The following KCNIP4 variants were observed in gnomAD, a reference collection of about 807,000 sequenced individuals.
The protein encoded by KCNIP4 is Kv channel-interacting protein 4.
KCNIP4 carries 12 observed loss-of-function variants against 34.0 expected under a neutral mutation model. That is an observed-to-expected ratio of 0.35 (90% CI 0.23 to 0.57). The LOEUF (loss-of-function observed/expected upper bound fraction) is 0.57. Ranked by LOEUF, KCNIP4 falls within the 20% of genes least tolerant of loss-of-function variation. The probability of loss-of-function intolerance (pLI) is 0.83; values close to 1 mark genes in which losing one functional copy is unlikely to be tolerated. For synonymous variants in KCNIP4, 124 were observed against 102.2 expected, an observed-to-expected ratio of 1.21 and a Z score of -1.29; for missense variants, 238 against 311.7, an observed-to-expected ratio of 0.76 and a Z score of 1.78.
intron 1 of KCNIP4, among the ~76,000 whole-genome samples, chr4:21,449,164 G>C (rs1226509439): frequency 2.0e-5 from 3 of 152,178 alleles, no homozygotes; most frequent in African/African-American, 7.2e-5. Context: ...GAGCCACAGA[G>C]AGTTATTCCC....
chr4:21,777,185 T>C (rs1447607990), intron 1 of KCNIP4, among the ~76,000 whole-genome samples: 1 of 152,214 alleles, frequency 6.6e-6, no homozygotes, highest in African/African-American at 2.4e-5. Flanking sequence ...TGATTGTAAG[T>C]TTCCTGAGGC....
At chr4:21,067,897 G>C (rs1005652721) in intron 1 of KCNIP4, among the ~76,000 whole-genome samples, 9 of 152,004 alleles carry the variant, frequency 5.9e-5, no homozygotes, top group Admixed American at 5.9e-4. Context: ...ATATTATCAA[G>C]CTTCATTTCC....
chr4:21,783,800 A>G (rs1235954509), intron 1 of KCNIP4, among the ~76,000 whole-genome samples: 1 of 152,188 alleles, frequency 6.6e-6, no homozygotes, highest in Non-Finnish European at 1.5e-5. Flanking sequence ...CCTATCTTCC[A>G]TTATTATTTC....
chr4:21,106,268 C>G (rs896617887), intron 1 of KCNIP4, among the ~76,000 whole-genome samples: 7 of 151,816 alleles, frequency 4.6e-5, no homozygotes, highest in Admixed American at 3.9e-4. Flanking sequence ...GCCACAATTT[C>G]AGAGCCTCTT....
chr4:21,558,399 G>A (rs1739246487), intron 1 of KCNIP4, among the ~76,000 whole-genome samples: 1 of 152,038 alleles, frequency 6.6e-6, no homozygotes, highest in Non-Finnish European at 1.5e-5. Flanking sequence ...GGCTTAGGCA[G>A]GATAATTGCT....
chr4:21,239,673 G>C (rs1390709363), intron 1 of KCNIP4, among the ~76,000 whole-genome samples: 1 of 152,188 alleles, frequency 6.6e-6, no homozygotes, highest in Admixed American at 6.5e-5. Context: ...ACCACAATGA[G>C]ATACCATCTC....
intron 1 of KCNIP4, among the ~76,000 whole-genome samples, chr4:21,109,818 T>C (rs1009125806): frequency 2.6e-5 from 4 of 151,942 alleles, no homozygotes; most frequent in African/African-American, 9.7e-5. Flanking sequence ...CCTCTAATTT[T>C]CCCTTCTTTT....
chr4:20,913,061 C>T (rs1728474603), intron 1 of KCNIP4, among the ~76,000 whole-genome samples: 1 of 152,000 alleles, frequency 6.6e-6, no homozygotes, highest in African/African-American at 2.4e-5. Flanking sequence ...ATATATGTTC[C>T]CACCAAAACT....
At chr4:21,898,709 A>C (rs1727542689) in intron 1 of KCNIP4, among the ~76,000 whole-genome samples, 1 of 152,154 alleles carries the variant, frequency 6.6e-6, no homozygotes, top group Admixed American at 6.5e-5. Flanking sequence ...GACCCAGAAT[A>C]ATCCCAGCTT....
intron 1 of KCNIP4, among the ~76,000 whole-genome samples, chr4:21,325,412 C>T (rs1253081161): frequency 6.6e-6 from 1 of 151,708 alleles, no homozygotes; most frequent in Non-Finnish European, 1.5e-5. Flanking sequence ...AGCCTCTAGT[C>T]ATCCTTTGAA....
At chr4:20,889,780 A>C (rs1725722406) in intron 1 of KCNIP4, among the ~76,000 whole-genome samples, 3 of 151,596 alleles carry the variant, frequency 2.0e-5, no homozygotes, top group African/African-American at 7.3e-5. Flanking sequence ...AAAAAAAAAA[A>C]AACAAAATTA....
chr4:21,100,349 A>T (rs757356997), intron 1 of KCNIP4, among the ~76,000 whole-genome samples: 4 of 152,074 alleles, frequency 2.6e-5, no homozygotes, highest in Non-Finnish European at 5.9e-5. Flanking sequence ...TCAGGAGTTC[A>T]AGACCAGCCT....
intron 1 of KCNIP4, among the ~76,000 whole-genome samples, chr4:21,655,933 T>C (rs1208318539): frequency 6.6e-6 from 1 of 152,234 alleles, no homozygotes; most frequent in African/African-American, 2.4e-5. Flanking sequence ...AGTTTATCCT[T>C]AACTGATGAC....
At chr4:21,668,518 C>G (rs999527694) in intron 1 of KCNIP4, among the ~76,000 whole-genome samples, 2 of 152,056 alleles carry the variant, frequency 1.3e-5, no homozygotes, top group Non-Finnish European at 2.9e-5. Flanking sequence ...GAACTAAGTT[C>G]TGAATTGACA....
intron 1 of KCNIP4, among the ~76,000 whole-genome samples, chr4:21,856,613 G>A (rs886614136): frequency 3.3e-5 from 5 of 152,256 alleles, no homozygotes; most frequent in Non-Finnish European, 7.4e-5. Flanking sequence ...TGCACTTGGG[G>A]GCTGGAAGTA....
At chr4:21,032,785 T>TGGCTTATG (rs11281637) in intron 1 of KCNIP4, among the ~76,000 whole-genome samples, 5 of 152,096 alleles carry the variant, frequency 3.3e-5, no homozygotes, top group African/African-American at 4.8e-5. Flanking sequence ...TGATACAGGC[T>TGGCTTATG]AAGCAACGAG....
chr4:20,825,071 G>C (rs1321096908), intron 3 of KCNIP4, among the ~76,000 whole-genome samples: 1 of 152,094 alleles, frequency 6.6e-6, no homozygotes, highest in Non-Finnish European at 1.5e-5. Context: ...ACTCTCACTA[G>C]TATCTCATCG....
intron 1 of KCNIP4, among the ~76,000 whole-genome samples, chr4:21,528,652 G>A (rs1736188624): frequency 6.8e-6 from 1 of 147,036 alleles, no homozygotes; most frequent in Admixed American, 6.9e-5. Context: ...GGGCGACAGA[G>A]GGAGACTCTG....
chr4:21,207,843 C>CTTTTTTTTTTTTTTTTT (rs531286039), intron 1 of KCNIP4, among the ~76,000 whole-genome samples: 4 of 115,126 alleles, frequency 3.5e-5, no homozygotes, highest in Non-Finnish European at 3.7e-5. Flanking sequence ...TTTTCTTTTT[C>CTTTTTTTTTTTTTTTTT]TTTTTTTTTT....
Sources: allele counts gnomAD v4.1 joint callset (sites outside exome capture counted in the v4.1 genomes callset), GRCh38; gene constraint gnomAD v4.1.1; transcripts MANE v1.5; gene names NCBI Gene and HGNC (gene_info 2026-07-23, HGNC 2026-07-21).